ATP6V0D2: variants seen among roughly 807,000 people sequenced by gnomAD.
The protein encoded by ATP6V0D2 is ATPase H+ transporting V0 subunit d2, also known as V-type proton ATPase subunit d 2.
A neutral mutation model predicts 40.0 loss-of-function variants in ATP6V0D2; 40 were observed. The ratio of observed to expected loss-of-function variants is 1.00; its 90% CI spans 0.78 to 1.30. The LOEUF (loss-of-function observed/expected upper bound fraction) is 1.30, where lower values mean the gene tolerates loss of function less well. ATP6V0D2 is among the 50% of genes most tolerant of loss of function. ATP6V0D2 has a pLI of 0.00. For missense variants in ATP6V0D2, 470 were observed against 423.1 expected, an observed-to-expected ratio of 1.11 and a Z score of -0.97; for synonymous variants, 179 against 156.3, an observed-to-expected ratio of 1.15 and a Z score of -1.08.
intron 2 of ATP6V0D2, among the ~76,000 whole-genome samples, chr8:86,123,857 A>C (rs1181638479): frequency 6.6e-6 from 1 of 152,124 alleles, no homozygotes; most frequent in Non-Finnish European, 1.5e-5. Context: ...TCATCACTTT[A>C]ATTTTGAATC....
At chr8:86,139,696 G>T in intron 3 of ATP6V0D2, 61 bp downstream of exon 3, 2 of 1,472,462 alleles carry the variant, frequency 1.4e-6, no homozygotes, top group South Asian at 2.9e-5. Flanking sequence ...ATTAGAAAAT[G>T]TACTATTTTT....
At chr8:86,118,514 G>A (rs13268295) in intron 2 of ATP6V0D2, among the ~76,000 whole-genome samples, 1,758 of 152,226 alleles carry the variant, frequency 0.012, 16 homozygotes, top group Non-Finnish European at 0.017. Context: ...CTCACAGAAC[G>A]TATTCCTCCT....
chr8:86,110,287 G>A (rs888663367), intron 1 of ATP6V0D2, among the ~76,000 whole-genome samples: 2 of 152,074 alleles, frequency 1.3e-5, no homozygotes, highest in East Asian at 3.9e-4. Context: ...TAGAGACGGG[G>A]TTTCACCATG....
intron 5 of ATP6V0D2, among the ~76,000 whole-genome samples, chr8:86,146,331 C>T (rs1301340019): frequency 6.6e-6 from 1 of 152,016 alleles, no homozygotes; most frequent in African/African-American, 2.4e-5. Flanking sequence ...GCCCAGTGTT[C>T]TCATGGTACT....
At position 86,141,549 on chromosome 8, in the gene ATP6V0D2, T is replaced by G. The variant is rs544450700; in HGVS notation, c.561+20T>G. The stretch of plus-strand genomic sequence containing the variant: ...TACAAGGTAATGGTTTTCCCAAATA[T>G]TGTCTTTTTCTTGATTACACAATGT... On this transcript the variant is annotated intron_variant, in intron 4 of 7. Transcript: ENST00000285393. 6.5e-7 allele frequency: 1 copy of G among 1,544,558 alleles called. No individual in the cohort carries two copies. Among genetic ancestry groups the G allele is most frequent in the Non-Finnish European group, 8.8e-7 (1 of 1,130,444 alleles).
chr8:86,134,195 A>T (rs941455314), intron 2 of ATP6V0D2, among the ~76,000 whole-genome samples: 7 of 152,196 alleles, frequency 4.6e-5, no homozygotes, highest in Admixed American at 2.6e-4. Context: ...CAAGAAAAAA[A>T]AATAGCATTT....
intron 2 of ATP6V0D2, among the ~76,000 whole-genome samples, chr8:86,121,039 A>G (rs907967245): frequency 1.3e-5 from 2 of 152,164 alleles, no homozygotes; most frequent in Admixed American, 1.3e-4. Context: ...ATGTTTAATC[A>G]GGGGGCCTCA....
intron 2 of ATP6V0D2, among the ~76,000 whole-genome samples, chr8:86,120,372 T>C (rs912090378): frequency 1.3e-5 from 2 of 151,994 alleles, no homozygotes; most frequent in Non-Finnish European, 2.9e-5. Flanking sequence ...GTACCTCAGC[T>C]TGAGTGACAG....
chr8:86,132,621 G>A (rs1456952223), intron 2 of ATP6V0D2, among the ~76,000 whole-genome samples: 1 of 151,966 alleles, frequency 6.6e-6, no homozygotes, highest in Non-Finnish European at 1.5e-5. Flanking sequence ...TTAACATATT[G>A]ACCTGCAATT....
At chr8:86,152,501 T>A (rs558742559) in intron 7 of ATP6V0D2, among the ~76,000 whole-genome samples, 2 of 152,374 alleles carry the variant, frequency 1.3e-5, no homozygotes, top group East Asian at 3.9e-4. Flanking sequence ...ATTGCCACAC[T>A]ATCTTCCACA....
chr8:86,141,513 G>T lies in ATP6V0D2; in HGVS notation c.545G>T (p.Arg182Leu), dbSNP rs573159453. ...GATGAACTGAATATTGAATTGCTAC[G>T]CAATAAACTATACAAGGTAATGGTT... The part of the protein sequence containing the change: ...ALDELNIELL[R>L]NKLYKSYLEA... Residue 182 changes from arginine (R) to leucine (L), a missense_variant, in exon 4 of 8, where the codon CGC (arginine) becomes CTC (leucine). Physicochemically the swap from Arg to Leu is moderately radical, Grantham distance 102 (BLOSUM62 -2). Coordinates refer to ENST00000285393, the MANE Select transcript of ATP6V0D2 (RefSeq NM_152565.1). The T allele has an allele frequency of 1.2e-6, 2 of 1,604,354 alleles. No individual in the cohort carries two copies. Among genetic ancestry groups the T allele is most frequent in the South Asian group, 1.1e-5 (1 of 90,522 alleles).
intron 2 of ATP6V0D2, among the ~76,000 whole-genome samples, chr8:86,117,592 T>C (rs1434639176): frequency 6.6e-6 from 1 of 152,214 alleles, no homozygotes; most frequent in African/African-American, 2.4e-5. Context: ...GATAATTCCT[T>C]CCATGTTACT....
chr8:86,121,191 C>T (rs1818664063), intron 2 of ATP6V0D2, among the ~76,000 whole-genome samples: 1 of 152,156 alleles, frequency 6.6e-6, no homozygotes, highest in Non-Finnish European at 1.5e-5. Flanking sequence ...ATGATCTGTC[C>T]CATCATGTCA....
intron 2 of ATP6V0D2, among the ~76,000 whole-genome samples, chr8:86,136,224 A>T (rs1818894938): frequency 6.6e-6 from 1 of 152,196 alleles, no homozygotes; most frequent in Non-Finnish European, 1.5e-5. Flanking sequence ...TAGCCTGTCT[A>T]TTAGTAAAAA....
Position 86,139,557 on chromosome 8 carries a change from T to A in ATP6V0D2, c.403T>A (p.Phe135Ile), listed in dbSNP as rs1369283122. ...GGGGAAGTGCCACCCCTTGGGCCGTTTCACAGAAATGGAAGCTGTCAACAT... is the reference window on the plus strand; with the variant it reads ...GGGGAAGTGCCACCCCTTGGGCCGTATCACAGAAATGGAAGCTGTCAACAT... ...ILGKCHPLGR[F>I]TEMEAVNIAE... Residue 135 changes from phenylalanine (F) to isoleucine (I), a missense_variant, in exon 3 of 8, where the codon TTC becomes ATC. Transcript: ENST00000285393. The A allele has an allele frequency of 6.2e-7, 1 of 1,613,714 alleles. No individual in the cohort carries two copies. Among genetic ancestry groups the A allele is most frequent in the Non-Finnish European group, 8.5e-7 (1 of 1,179,860 alleles).
Position 86,153,595 on chromosome 8 carries a change from A to T in ATP6V0D2, c.*618A>T, listed in dbSNP as rs1268106988. ...GGTGTCGAATTCCTGGGCTCCAGGG[A>T]TCCACAGTCCCCCTTGGCCTCCCAA... On this transcript the variant is annotated 3_prime_UTR_variant, in exon 8 of 8. Transcript: ENST00000285393. 6.6e-6 allele frequency: 1 copy of T among 152,264 alleles called. No homozygotes were observed. Among genetic ancestry groups the T allele is most frequent in the Non-Finnish European group, 1.5e-5 (1 of 68,180 alleles). The allele number at this position is 152,264 out of a possible 1,614,324, so 9.4% of individuals were successfully genotyped here.
chr8:86,121,635 AAAGGAG>A (rs1326939747), intron 2 of ATP6V0D2, among the ~76,000 whole-genome samples: 62 of 150,062 alleles, frequency 4.1e-4, no homozygotes, highest in South Asian at 3.0e-3. Flanking sequence ...GAAAGAAGGA[AAAGGAG>A]AAGGAGAAGG....
At chr8:86,145,309 G>GA (rs375996327) in intron 5 of ATP6V0D2, among the ~76,000 whole-genome samples, 4 of 76,794 alleles carry the variant, frequency 5.2e-5, no homozygotes, top group African/African-American at 2.2e-4. Context: ...AAGAAAGAAA[G>GA]AAAAGAAAGA....
Position 86,098,985 on chromosome 8 carries a change from G to C in ATP6V0D2, c.7G>C (p.Glu3Gln). 6.2e-7 allele frequency: 1 copy of C among 1,613,608 alleles called. No homozygotes were observed. The highest frequency in any genetic ancestry group is 1.1e-5 in the South Asian group (1 of 90,968). The change falls in exon 1 of 8, where the codon GAA becomes CAA. Residue 3 changes from glutamate to glutamine, a missense_variant. Transcript: ENST00000285393. Reference sequence around the variant, plus strand: ...GGCTTCAATCTCTTCCCCCATGCTCGAAGGTGCGGAGCTGTACTTCAACGT... The same window carrying C: ...GGCTTCAATCTCTTCCCCCATGCTCCAAGGTGCGGAGCTGTACTTCAACGT... ML[E>Q]GAELYFNVDH... is the part of the protein sequence containing the mutation.
Sources: allele counts gnomAD v4.1 joint callset (sites outside exome capture counted in the v4.1 genomes callset), GRCh38; gene constraint gnomAD v4.1.1; transcripts MANE v1.5; gene names NCBI Gene and HGNC (gene_info 2026-07-23, HGNC 2026-07-21).